SLC2A4: variants seen among roughly 807,000 people sequenced by gnomAD.
The protein encoded by SLC2A4 is solute carrier family 2 member 4, also known as solute carrier family 2, facilitated glucose transporter member 4.
SLC2A4 carries 31 observed loss-of-function variants against 53.3 expected under a neutral mutation model. The observed-to-expected ratio is 0.58, with a 90% CI of 0.44 to 0.78. The LOEUF is 0.78. Ranked by LOEUF, SLC2A4 falls within the 30% of genes least tolerant of loss-of-function variation. SLC2A4 has a pLI of 0.00. For synonymous variants in SLC2A4, 276 were observed against 281.9 expected (o/e 0.98, Z 0.21); for missense variants, 538 against 655.7 (o/e 0.82, Z 1.96).
intron 10 of SLC2A4, 123 bp from the exon 11 acceptor site, chr17:7,286,303 G>A: frequency 1.2e-6 from 1 of 805,484 alleles, no homozygotes. Flanking sequence ...TGTCCCTGGA[G>A]GAGGCAGCTG....
Position 7,282,331 on chromosome 17 carries a change from C to T in SLC2A4, c.33+364C>T, listed in dbSNP as rs1005337928. 1 of 491,996 alleles carries T rather than the reference C, an allele frequency of 2.0e-6. No individual in the cohort carries two copies. Among genetic ancestry groups the T allele is most frequent in the Non-Finnish European group, 4.0e-6 (1 of 250,884 alleles). 30.5% of individuals were successfully genotyped at this position (491,996 alleles called of 1,614,324 possible). On this transcript the variant is annotated intron_variant, in intron 1 of 10. Coordinates refer to ENST00000317370, the MANE Select transcript of SLC2A4 (RefSeq NM_001042.3). This position sits in a 1 kb window ranked among gnomAD's most constrained non-coding sequence, Gnocchi z 4.1. ...CCTCCGGGAGCTGTCCGTCCGTCTT[C>T]GCTCACGGGCAGTGTTTCGAGGACC...
At position 7,281,928 on chromosome 17, in the gene SLC2A4, A is replaced by T; in HGVS notation, c.-7A>T. 1.3e-6 allele frequency: 2 copies of T among 1,572,868 alleles called. No individual in the cohort carries two copies. The highest frequency in any genetic ancestry group is 1.7e-6 in the Non-Finnish European group (2 of 1,156,384). On this transcript the variant is annotated 5_prime_UTR_variant, in exon 1 of 11. In the 5' UTR this introduces an upstream ATG that the reference lacks. Coordinates refer to ENST00000317370, the MANE Select transcript of SLC2A4 (RefSeq NM_001042.3). ...CGCCCCTGCGCGTCCAGCTCTTCTAAGACGAGATGCCGTCGGGCTTCCAAC... is the reference window on the plus strand; with the variant it reads ...CGCCCCTGCGCGTCCAGCTCTTCTATGACGAGATGCCGTCGGGCTTCCAAC...
Position 7,283,119 on chromosome 17 carries a change from T to G in SLC2A4, c.34-126T>G. 1.2e-6 allele frequency: 1 copy of G among 810,460 alleles called. No individual in the cohort carries two copies. The highest frequency in any genetic ancestry group is 2.4e-5 in the East Asian group (1 of 41,226). The allele number at this position is 810,460 out of a possible 1,614,324, so 50.2% of individuals were successfully genotyped here. The stretch of plus-strand genomic sequence containing the variant: ...TGTGCAATTCCTAATATGGCCCAGT[T>G]TCCCTCACCCAACATGTTGGGTGGA... On this transcript the variant is annotated intron_variant, in intron 1 of 10. Transcript: ENST00000317370. The surrounding 1 kb of genome is among the most constrained non-coding windows in gnomAD (Gnocchi z 5.8).
chr17:7,287,067 A>G lies in SLC2A4; in HGVS notation c.*438A>G, dbSNP rs574606372. The G allele has an allele frequency of 6.3e-5, 11 of 173,450 alleles. No individual in the cohort carries two copies. The highest frequency in any genetic ancestry group is 2.6e-4 in the African/African-American group (11 of 41,530). The allele number at this position is 173,450 out of a possible 1,614,324, so 10.7% of individuals were successfully genotyped here. A position where few individuals can be genotyped will look rare whatever the true frequency, so the allele number is the denominator to read the frequency against. On this transcript the variant is annotated 3_prime_UTR_variant, in exon 11 of 11. Coordinates refer to ENST00000317370, the MANE Select transcript of SLC2A4 (RefSeq NM_001042.3). ...CCCACCACCTTGGACTCCTCCCACA[A>G]TCTGGGACTTTCACTGAATTCTTGC... is the stretch of plus-strand genomic sequence containing the variant.
At position 7,287,049 on chromosome 17, in the gene SLC2A4, C is replaced by T. The variant is rs1026264946; in HGVS notation, c.*420C>T. 3 of 203,772 alleles carry T rather than the reference C, an allele frequency of 1.5e-5. No homozygotes were observed. The highest frequency in any genetic ancestry group is 3.0e-5 in the Non-Finnish European group (3 of 98,564). The allele number at this position is 203,772 out of a possible 1,614,324, so 12.6% of individuals were successfully genotyped here. On this transcript the variant is annotated 3_prime_UTR_variant, in exon 11 of 11. Coordinates refer to ENST00000317370, the MANE Select transcript of SLC2A4 (RefSeq NM_001042.3). ...AGACAAGAAATCCAGTTTCCCACCA[C>T]CTTGGACTCCTCCCACAATCTGGGA...
At chr17:7,286,374 C>T (rs1597601018) in intron 10 of SLC2A4, 52 bp from the exon 11 acceptor site, 1 of 1,547,900 alleles carries the variant, frequency 6.5e-7, no homozygotes, top group Admixed American at 1.7e-5. Flanking sequence ...CTGAAACTAC[C>T]CCTTCCCTCC....
At position 7,282,182 on chromosome 17, in the gene SLC2A4, A is replaced by T; in HGVS notation, c.33+215A>T. ...GGGTCTGGAGGGCCTTTCGGGGCAC[A>T]GGCAGCAAGTGGATTCTGCGAGCCA... is the stretch of plus-strand genomic sequence containing the variant. On this transcript the variant is annotated intron_variant, in intron 1 of 10. Coordinates refer to ENST00000317370, the MANE Select transcript of SLC2A4 (RefSeq NM_001042.3). The surrounding 1 kb of genome is among the most constrained non-coding windows in gnomAD (Gnocchi z 4.1). 1 of 627,784 alleles carries T rather than the reference A, an allele frequency of 1.6e-6. No individual in the cohort carries two copies. Among genetic ancestry groups the T allele is most frequent in the Non-Finnish European group, 2.9e-6 (1 of 345,138 alleles). 38.9% of individuals were successfully genotyped at this position (627,784 alleles called of 1,614,324 possible).
Position 7,284,151 on chromosome 17 carries a change from G to C in SLC2A4, c.564+62G>C. ...GTTAGAGTGGGGCTCTGGAGAATAT[G>C]GTGGGCTTCCAAGGTAAGGCAGAAG... On this transcript the variant is annotated intron_variant, in intron 5 of 10. Coordinates refer to ENST00000317370, the MANE Select transcript of SLC2A4 (RefSeq NM_001042.3). The surrounding 1 kb of genome is among the most constrained non-coding windows in gnomAD (Gnocchi z 7.5). The C allele has an allele frequency of 6.2e-7, 1 of 1,610,352 alleles. No individual in the cohort carries two copies. Among genetic ancestry groups the C allele is most frequent in the Non-Finnish European group, 8.5e-7 (1 of 1,178,066 alleles).
At position 7,285,145 on chromosome 17, in the gene SLC2A4, A is replaced by G; in HGVS notation, c.1078A>G (p.Met360Val). 1.2e-6 allele frequency: 2 copies of G among 1,604,472 alleles called. No individual in the cohort carries two copies. Among genetic ancestry groups the G allele is most frequent in the South Asian group, 1.1e-5 (1 of 89,522 alleles). Residue 360 changes from methionine (M) to valine (V), a missense_variant, in exon 9 of 11, where the codon ATG becomes GTG. Coordinates refer to ENST00000317370, the MANE Select transcript of SLC2A4 (RefSeq NM_001042.3). The surrounding 1 kb of genome is among the most constrained non-coding windows in gnomAD (Gnocchi z 6.0). ...RTLHLLGLAGMCGCAILMTVA... is the reference protein window; with the variant it reads ...RTLHLLGLAGVCGCAILMTVA... ...GCTCCATCTCCTGGGCCTGGCGGGCATGTGTGGCTGTGCCATCCTGATGAC... is the reference window on the plus strand; with the variant it reads ...GCTCCATCTCCTGGGCCTGGCGGGCGTGTGTGGCTGTGCCATCCTGATGAC...
rs766784212 is a variant in SLC2A4 at position 7,283,754 on chromosome 17, G to C, written c.340G>C (p.Val114Leu). 3 of 1,614,086 alleles carry C rather than the reference G, an allele frequency of 1.9e-6. No individual in the cohort carries two copies. The South Asian group carries it at 3.3e-5, about 18-fold the overall frequency. Residue 114 changes from valine (V) to leucine (L), a missense_variant, in exon 4 of 11, where the codon GTC becomes CTC. Physicochemically the swap from Val to Leu is conservative, Grantham distance 32 (BLOSUM62 1). Transcript: ENST00000317370. The surrounding 1 kb of genome is among the most constrained non-coding windows in gnomAD (Gnocchi z 5.8). ...QWLGRKRAML[V>L]NNVLAVLGGS... ...GCCTGCCAGGAAAAGGGCCATGCTG[G>C]TCAACAATGTCCTGGCGGTGCTGGG...
In SLC2A4 at chr17:7,282,967, C is replaced by T; in HGVS notation, c.34-278C>T. On this transcript the variant is annotated intron_variant, in intron 1 of 10. Transcript: ENST00000317370. The surrounding 1 kb of genome is among the most constrained non-coding windows in gnomAD (Gnocchi z 4.1). ...ACAAATCTGAGCTCTTAAGGCCAAG[C>T]CTGTCTCAAGGTCACAGAAGAATTT... 2.2e-6 allele frequency: 1 copy of T among 452,758 alleles called. No homozygotes were observed. The highest frequency in any genetic ancestry group is 4.1e-6 in the Non-Finnish European group (1 of 243,986). The allele number at this position is 452,758 out of a possible 1,614,324, so 28.0% of individuals were successfully genotyped here. A position where few individuals can be genotyped will look rare whatever the true frequency, so the allele number is the denominator to read the frequency against.
rs1219508872 is a variant in SLC2A4 at position 7,283,191 on chromosome 17, GA to G, written c.34-47del. ...GCTGGGCCCGGGCCCCTAGCGGAAG[GA>G]AAAAAATCATGGTTCCATGTGACAT... On this transcript the variant is annotated intron_variant, in intron 1 of 10. Transcript: ENST00000317370. The surrounding 1 kb of genome is among the most constrained non-coding windows in gnomAD (Gnocchi z 5.8). 37 of 1,495,496 alleles carry G rather than the reference GA, an allele frequency of 2.5e-5. No individual in the cohort carries two copies. The highest frequency in any genetic ancestry group is 2.1e-4 in the African/African-American group (15 of 72,386). The allele number at this position is 1,495,496 out of a possible 1,614,324, so 92.6% of individuals were successfully genotyped here.
rs771163998 is a variant in SLC2A4, at chr17:7,283,934, T to A, written c.449-40T>A. The A allele has an allele frequency of 2.5e-6, 4 of 1,613,690 alleles. No individual in the cohort carries two copies. Among genetic ancestry groups the A allele is most frequent in the Non-Finnish European group, 3.4e-6 (4 of 1,179,588 alleles). On this transcript the variant is annotated intron_variant, in intron 4 of 10. Transcript: ENST00000317370. The surrounding 1 kb of genome is among the most constrained non-coding windows in gnomAD (Gnocchi z 5.8). ...CCATGCCTGGGCTTTCAGATGGGAATGGACACCTGCCCTCAGCCCTCTCTT... is the reference window on the plus strand; with the variant it reads ...CCATGCCTGGGCTTTCAGATGGGAAAGGACACCTGCCCTCAGCCCTCTCTT...
rs142724012 is a variant in SLC2A4 at position 7,285,113 on chromosome 17, G to A, written c.1046G>A (p.Arg349His). 33 of 1,604,040 alleles carry A rather than the reference G, an allele frequency of 2.1e-5. No homozygotes were observed. The highest frequency in any genetic ancestry group is 1.6e-4 in the East Asian group (7 of 44,610). Reference sequence around the variant, plus strand: ...GTGTTGTTGGTGGAGCGGGCGGGGCGCCGGACGCTCCATCTCCTGGGCCTG... The same window carrying A: ...GTGTTGTTGGTGGAGCGGGCGGGGCACCGGACGCTCCATCTCCTGGGCCTG... ...VSVLLVERAG[R>H]RTLHLLGLAG... The change falls in exon 9 of 11, where the codon CGC becomes CAC. Residue 349 changes from arginine (R) to histidine (H), a missense_variant. Physicochemically the swap from Arg to His is conservative, Grantham distance 29. Coordinates refer to ENST00000317370, the MANE Select transcript of SLC2A4 (RefSeq NM_001042.3). The surrounding 1 kb of genome is among the most constrained non-coding windows in gnomAD (Gnocchi z 6.0).
chr17:7,286,693 C>A lies in SLC2A4; in HGVS notation c.*64C>A. The A allele has an allele frequency of 1.5e-6, 2 of 1,373,614 alleles. No homozygotes were observed. Among genetic ancestry groups the A allele is most frequent in the Non-Finnish European group, 2.1e-6 (2 of 963,110 alleles). 85.1% of individuals were successfully genotyped at this position (1,373,614 alleles called of 1,614,324 possible). A position where few individuals can be genotyped will look rare whatever the true frequency, so the allele number is the denominator to read the frequency against. Reference sequence around the variant, plus strand: ...CGGCCCAGAGACCCCTTCCTTTCCTCTGCAGCACTTTAACCCTCTCTTCCC... The same window carrying A: ...CGGCCCAGAGACCCCTTCCTTTCCTATGCAGCACTTTAACCCTCTCTTCCC... On this transcript the variant is annotated 3_prime_UTR_variant, in exon 11 of 11. Coordinates refer to ENST00000317370, the MANE Select transcript of SLC2A4 (RefSeq NM_001042.3).
In SLC2A4 at chr17:7,286,524, G is replaced by A. The variant is rs1199450256; in HGVS notation, c.1425G>A (p.Thr475=). The part of the protein sequence containing the change: ...FLRVPETRGR[T]FDQISAAFHR... ...GAGTACCTGAAACTCGAGGCCGGAC[G>A]TTTGACCAGATCTCAGCTGCCTTCC... The change falls in exon 11 of 11, where the codon ACG becomes ACA. Residue 475 remains threonine (T), a synonymous_variant. Transcript: ENST00000317370. The A allele has an allele frequency of 3.0e-5, 48 of 1,614,158 alleles. No individual in the cohort carries two copies. The highest frequency in any genetic ancestry group is 3.9e-5 in the Non-Finnish European group (46 of 1,180,036).
In SLC2A4 at chr17:7,284,764, G is replaced by T. The variant is rs1027640766; in HGVS notation, c.916-71G>T. The T allele has an allele frequency of 6.2e-7, 1 of 1,607,752 alleles. No homozygotes were observed. Among genetic ancestry groups the T allele is most frequent in the Non-Finnish European group, 8.5e-7 (1 of 1,174,296 alleles). ...CCCCTCCACCAACACCCAGGGTAGGGCCAGCCTGTTGTGGCTGGAGTAGAG... is the reference window on the plus strand; with the variant it reads ...CCCCTCCACCAACACCCAGGGTAGGTCCAGCCTGTTGTGGCTGGAGTAGAG... On this transcript the variant is annotated intron_variant, in intron 7 of 10. Coordinates refer to ENST00000317370, the MANE Select transcript of SLC2A4 (RefSeq NM_001042.3). The surrounding 1 kb of genome is among the most constrained non-coding windows in gnomAD (Gnocchi z 7.5).
In SLC2A4 at chr17:7,282,217, C is replaced by T; in HGVS notation, c.33+250C>T. The stretch of plus-strand genomic sequence containing the variant: ...TGGATTCTGCGAGCCAGGGTTCACC[C>T]CCTTGCCTAGTAGGCGGCGCGGCGC... On this transcript the variant is annotated intron_variant, in intron 1 of 10. Transcript: ENST00000317370. This position sits in a 1 kb window ranked among gnomAD's most constrained non-coding sequence, Gnocchi z 4.1. The T allele has an allele frequency of 1.6e-6, 1 of 624,764 alleles. No homozygotes were observed. Among genetic ancestry groups the T allele is most frequent in the East Asian group, 2.9e-5 (1 of 34,254 alleles). The allele number at this position is 624,764 out of a possible 1,614,324, so 38.7% of individuals were successfully genotyped here. A position where few individuals can be genotyped will look rare whatever the true frequency, so the allele number is the denominator to read the frequency against.
rs1244800310 is a variant in SLC2A4 at position 7,287,092 on chromosome 17, C to CT, written c.*463_*464insT. On this transcript the variant is annotated 3_prime_UTR_variant, in exon 11 of 11. Coordinates refer to ENST00000317370, the MANE Select transcript of SLC2A4 (RefSeq NM_001042.3). The stretch of plus-strand genomic sequence containing the variant: ...ATCTGGGACTTTCACTGAATTCTTG[C>CT]CACGCAGACTCTGGGCAAAGGGGTT... 6.0e-6 allele frequency: 1 copy of CT among 166,276 alleles called. No individual in the cohort carries two copies. The highest frequency in any genetic ancestry group is 1.3e-5 in the Non-Finnish European group (1 of 76,782). 10.3% of individuals were successfully genotyped at this position (166,276 alleles called of 1,614,324 possible).
Sources: gnomAD v4.1 joint callset for allele counts on GRCh38, gnomAD v4.1.1 for gene constraint, Gnocchi (gnomAD v3.1) non-coding constraint, MANE v1.5 for transcripts, NCBI Gene and HGNC (gene_info 2026-07-23, HGNC 2026-07-21) for gene names.